ARHGAP15: variants seen among roughly 807,000 people sequenced by gnomAD.
ARHGAP15 encodes the protein rho GTPase-activating protein 15.
Under a neutral mutation model 63.7 loss-of-function variants are expected in ARHGAP15, and 51 were observed. The observed-to-expected ratio is 0.80, with a 90% CI of 0.64 to 1.01. The LOEUF (loss-of-function observed/expected upper bound fraction) is 1.01. ARHGAP15 is among the 50% of genes least tolerant of loss of function. ARHGAP15 has a pLI of 0.00. For synonymous variants in ARHGAP15, 191 were observed against 193.8 expected, an observed-to-expected ratio of 0.99 and a Z score of 0.12; for missense variants, 560 against 564.6, an observed-to-expected ratio of 0.99 and a Z score of 0.08.
chr2:143,342,580 GGTCTTAT>G (rs1381047082), intron 6 of ARHGAP15, among the ~76,000 whole-genome samples: 2 of 151,868 alleles, frequency 1.3e-5, no homozygotes, highest in Non-Finnish European at 2.9e-5. Flanking sequence ...CTTTACACAG[GGTCTTAT>G]GTCTAGCACT....
intron 13 of ARHGAP15, among the ~76,000 whole-genome samples, chr2:143,738,187 G>T (rs910485267): frequency 3.3e-5 from 5 of 152,086 alleles, no homozygotes; most frequent in Non-Finnish European, 5.9e-5. Flanking sequence ...ATCTATTGAA[G>T]TTCTTATTTA....
At chr2:143,419,644 A>G (rs763241996) in intron 6 of ARHGAP15, among the ~76,000 whole-genome samples, 1 of 142,392 alleles carries the variant, frequency 7.0e-6, no homozygotes, top group African/African-American at 2.7e-5. Flanking sequence ...TGTATGACCT[A>G]TATATATATA....
chr2:143,480,932 T>C (rs922178663), intron 8 of ARHGAP15: 1 of 152,144 alleles, frequency 6.6e-6, no homozygotes, highest in Non-Finnish European at 1.5e-5. Flanking sequence ...GATAAGGTGC[T>C]CTTATTTATG....
chr2:143,754,450 G>C (rs1686498275), intron 13 of ARHGAP15, among the ~76,000 whole-genome samples: 1 of 152,010 alleles, frequency 6.6e-6, no homozygotes. Flanking sequence ...TCCCAGGTCT[G>C]GATCTCAGTC....
At chr2:143,688,826 G>A (rs1360533535) in intron 12 of ARHGAP15, among the ~76,000 whole-genome samples, 1 of 152,080 alleles carries the variant, frequency 6.6e-6, no homozygotes, top group Non-Finnish European at 1.5e-5. Context: ...AAGACTAAAT[G>A]TTTATTTTTT....
At chr2:143,251,862 C>G (rs936346705) in intron 6 of ARHGAP15, among the ~76,000 whole-genome samples, 4 of 151,898 alleles carry the variant, frequency 2.6e-5, no homozygotes, top group Admixed American at 6.6e-5. Flanking sequence ...AACTTTCTTT[C>G]AAAGGGAGGA....
At chr2:143,237,329 G>A (rs1241346524) in intron 5 of ARHGAP15, 5 of 152,070 alleles carry the variant, frequency 3.3e-5, no homozygotes, top group African/African-American at 1.2e-4. Context: ...ATTGTAAAAC[G>A]GCTGTGTGTC....
intron 9 of ARHGAP15, among the ~76,000 whole-genome samples, chr2:143,499,859 T>C (rs1343823571): frequency 6.6e-6 from 1 of 152,076 alleles, no homozygotes; most frequent in African/African-American, 2.4e-5. Flanking sequence ...TTATTATTAT[T>C]TTCATTATTT....
chr2:143,189,286 G>T (rs1391710415), intron 2 of ARHGAP15, among the ~76,000 whole-genome samples: 7 of 152,000 alleles, frequency 4.6e-5, no homozygotes, highest in Admixed American at 3.9e-4. Flanking sequence ...CTTAGCCCCA[G>T]TGTTCTGTAA....
At chr2:143,153,831 T>TTCC (rs1689950557) in intron 1 of ARHGAP15, among the ~76,000 whole-genome samples, 4 of 63,584 alleles carry the variant, frequency 6.3e-5, no homozygotes, top group Admixed American at 1.7e-4. Context: ...CTTCTTCTTC[T>TTCC]TCTTCTTCTT....
chr2:143,281,996 C>T (rs2105085249), intron 6 of ARHGAP15, among the ~76,000 whole-genome samples: 1 of 152,166 alleles, frequency 6.6e-6, no homozygotes, highest in Non-Finnish European at 1.5e-5. Flanking sequence ...AATAAAGTTA[C>T]CATCTACAGT....
At chr2:143,496,706 C>G (rs1213622146) in intron 9 of ARHGAP15, among the ~76,000 whole-genome samples, 2 of 152,194 alleles carry the variant, frequency 1.3e-5, no homozygotes, top group Non-Finnish European at 2.9e-5. Context: ...CAAGATGTTT[C>G]CCTTTTCTCA....
chr2:143,493,879 C>T (rs374995115), intron 9 of ARHGAP15, among the ~76,000 whole-genome samples: 1 of 152,142 alleles, frequency 6.6e-6, no homozygotes, highest in South Asian at 2.1e-4. Context: ...CCCACACACT[C>T]GATCAGTAGC....
At chr2:143,708,537 A>G (rs1237438731) in intron 13 of ARHGAP15, among the ~76,000 whole-genome samples, 1 of 151,770 alleles carries the variant, frequency 6.6e-6, no homozygotes, top group Non-Finnish European at 1.5e-5. Context: ...GCTACATCAC[A>G]CCCCCATTCT....
At chr2:143,404,629 A>T (rs1008398626) in intron 6 of ARHGAP15, among the ~76,000 whole-genome samples, 46 of 152,026 alleles carry the variant, frequency 3.0e-4, no homozygotes, top group African/African-American at 1.1e-3. Flanking sequence ...CTTAAATAAG[A>T]TGTAAACTAT....
intron 8 of ARHGAP15, among the ~76,000 whole-genome samples, chr2:143,486,453 G>A (rs1459046213): frequency 2.6e-5 from 4 of 151,158 alleles, no homozygotes; most frequent in Admixed American, 2.0e-4. Context: ...AGTAGTCCCA[G>A]CTACTTGGGA....
At chr2:143,759,624 C>G (rs1042407866) in intron 13 of ARHGAP15, among the ~76,000 whole-genome samples, 1 of 152,142 alleles carries the variant, frequency 6.6e-6, no homozygotes, top group Admixed American at 6.5e-5. Flanking sequence ...TCCCTTTGCT[C>G]CCTGGCCTCC....
chr2:143,750,370 G>C (rs1208066694), intron 13 of ARHGAP15, among the ~76,000 whole-genome samples: 4 of 152,174 alleles, frequency 2.6e-5, no homozygotes, highest in Non-Finnish European at 5.9e-5. Context: ...GAACCAGGGA[G>C]GCAGAGGTTG....
At chr2:143,388,149 G>A (rs1335195807) in intron 6 of ARHGAP15, among the ~76,000 whole-genome samples, 1 of 152,010 alleles carries the variant, frequency 6.6e-6, no homozygotes, top group African/African-American at 2.4e-5. Context: ...AAAACTATTT[G>A]TTTCCAAAAT....
Sources: gnomAD v4.1 joint callset for allele counts (sites outside exome capture counted in the v4.1 genomes callset) on GRCh38, gnomAD v4.1.1 for gene constraint, MANE v1.5 for transcripts, NCBI Gene and HGNC (gene_info 2026-07-23, HGNC 2026-07-21) for gene names.